Variants in CNTNAP3 observed in about 807,000 individuals in gnomAD.
CNTNAP3 encodes the protein contactin associated protein family member 3, also known as contactin-associated protein-like 3.
CNTNAP3 carries 36 observed loss-of-function variants against 92.1 expected under a neutral mutation model. The ratio of observed to expected loss-of-function variants is 0.39; its 90% CI spans 0.30 to 0.52. The LOEUF is 0.52. Among genes scored for constraint, CNTNAP3 ranks in the 20% least tolerant of loss-of-function variants. The pLI is 0.76. For missense variants in CNTNAP3, 534 were observed against 1,069.6 expected (o/e 0.50, Z 6.98); for synonymous variants, 232 against 422.3 (o/e 0.55, Z 5.53).
chr9:39,133,182 C>T, intron 12 of CNTNAP3, 47 bp from the exon 13 acceptor site: 2 of 1,540,760 alleles, frequency 1.3e-6, no homozygotes, highest in Non-Finnish European at 1.7e-6. Context: ...CGGCAGAGGC[C>T]AGCAGCAAGA....
rs201621606 is a variant in CNTNAP3 at position 39,084,194 on chromosome 9, G to GTTTTT, written c.3442+1537_3442+1541dup. On this transcript the variant is annotated intron_variant, in intron 21 of 23. Coordinates refer to ENST00000297668, the MANE Select transcript of CNTNAP3 (RefSeq NM_033655.5). ...ACTGTTCATAGCAGATGCTCACCAAGTTTTTTTTTTTTTTTTTTTTTTGAG... is the reference window on the plus strand; with the variant it reads ...ACTGTTCATAGCAGATGCTCACCAAGTTTTTTTTTTTTTTTTTTTTTTTTTTTGAG... 2.3e-3 allele frequency among the ~76,000 whole-genome samples: 263 copies of GTTTTT among 116,874 alleles called. 7 individuals are homozygous for GTTTTT. Among genetic ancestry groups the GTTTTT allele is most frequent in the Middle Eastern group, 4.5e-3 (1 of 222 alleles). 76.7% of individuals were successfully genotyped at this position (116,874 alleles called of 152,430 possible).
chr9:39,170,263 G>A (rs1276143182), intron 8 of CNTNAP3, among the ~76,000 whole-genome samples: 2 of 11,994 alleles, frequency 1.7e-4, no homozygotes, highest in Non-Finnish European at 2.2e-4. Flanking sequence ...TTCTTCACGG[G>A]TCTTGAAATC....
intron 9 of CNTNAP3, among the ~76,000 whole-genome samples, chr9:39,153,918 T>G (rs1279357730): frequency 6.8e-6 from 1 of 147,294 alleles, no homozygotes; most frequent in Admixed American, 6.7e-5. Flanking sequence ...CCAGTGATTG[T>G]TCCAAGTCTC....
chr9:39,146,008 G>A (rs1821689088), intron 10 of CNTNAP3, among the ~76,000 whole-genome samples: 1 of 150,666 alleles, frequency 6.6e-6, no homozygotes, highest in Non-Finnish European at 1.5e-5. Flanking sequence ...AACCACTGCT[G>A]TTTGATATCA....
chr9:39,225,856 A>G (rs1822693152), intron 3 of CNTNAP3, among the ~76,000 whole-genome samples: 1 of 16,078 alleles, frequency 6.2e-5, no homozygotes, highest in African/African-American at 8.5e-5. Flanking sequence ...AACTTGCTCT[A>G]TTAGCCAGGC....
intron 15 of CNTNAP3, among the ~76,000 whole-genome samples, chr9:39,108,537 T>A (rs1302560060): frequency 6.6e-6 from 1 of 152,170 alleles, no homozygotes; most frequent in East Asian, 1.9e-4. Flanking sequence ...CAATGTATGA[T>A]GCTAGTGGGT....
chr9:39,106,889 A>C (rs1009224399), intron 15 of CNTNAP3, among the ~76,000 whole-genome samples: 11 of 152,284 alleles, frequency 7.2e-5, no homozygotes, highest in Non-Finnish European at 1.3e-4. Context: ...TGCCTGGCAC[A>C]GGACATTTAA....
chr9:39,100,988 T>C lies in CNTNAP3; in HGVS notation c.2756-838A>G, dbSNP rs1383663214. 9.3e-5 allele frequency among the ~76,000 whole-genome samples: 14 copies of C among 151,080 alleles called. No homozygotes were observed. In the East Asian group the frequency reaches 2.7e-3, roughly 29 times the overall value. On this transcript the variant is annotated intron_variant, in intron 17 of 23. Transcript: ENST00000297668. ...AACTATCAATCAGCTTTGTGGGTGA[T>C]TCTGAAGCCAGTGATTCATCCACCG... is the stretch of plus-strand genomic sequence containing the variant.
At chr9:39,086,193 A>G in intron 20 of CNTNAP3, 2 of 324,620 alleles carry the variant, frequency 6.2e-6, no homozygotes, top group Non-Finnish European at 1.1e-5. Flanking sequence ...GTTGTTCTCT[A>G]TACAGTATAT....
chr9:39,076,844 T>G (rs1400259019), intron 23 of CNTNAP3, among the ~76,000 whole-genome samples: 1 of 152,298 alleles, frequency 6.6e-6, no homozygotes, highest in Non-Finnish European at 1.5e-5. Context: ...GGTGGGCACC[T>G]GTATCCCCAG....
intron 12 of CNTNAP3, among the ~76,000 whole-genome samples, chr9:39,133,379 A>G (rs922784576): frequency 2.0e-5 from 3 of 152,168 alleles, no homozygotes; most frequent in African/African-American, 7.2e-5. Flanking sequence ...AAAGTGTATC[A>G]TGTAAGCAAT....
intron 11 of CNTNAP3, among the ~76,000 whole-genome samples, chr9:39,141,326 C>T (rs1284418036): frequency 1.3e-5 from 2 of 152,008 alleles, no homozygotes; most frequent in Non-Finnish European, 1.5e-5. Flanking sequence ...TTAAGCTATG[C>T]GGCAGTTATA....
At chr9:39,074,243 G>A (rs1213282395) in intron 23 of CNTNAP3, among the ~76,000 whole-genome samples, 2 of 151,512 alleles carry the variant, frequency 1.3e-5, no homozygotes, top group Non-Finnish European at 2.9e-5. Flanking sequence ...TGCCCAGGCT[G>A]GTCTCGAACT....
intron 11 of CNTNAP3, among the ~76,000 whole-genome samples, chr9:39,142,193 G>A (rs889189749): frequency 1.3e-5 from 2 of 152,182 alleles, no homozygotes; most frequent in Admixed American, 6.5e-5. Context: ...ATCAGATGAT[G>A]CTGAGTGTGG....
chr9:39,117,056 G>A (rs944038478), intron 14 of CNTNAP3, among the ~76,000 whole-genome samples: 35 of 151,976 alleles, frequency 2.3e-4, no homozygotes, highest in Admixed American at 3.9e-4. Flanking sequence ...GCAGTGGCGC[G>A]ATCTCGGCTC....
chr9:39,135,023 T>C (rs1348656455), intron 12 of CNTNAP3, among the ~76,000 whole-genome samples: 1 of 152,118 alleles, frequency 6.6e-6, no homozygotes, highest in African/African-American at 2.4e-5. Context: ...AAGGGAACTG[T>C]TCAGAATACA....
chr9:39,205,007 G>A (rs1418565342), intron 3 of CNTNAP3, among the ~76,000 whole-genome samples: 1 of 81,308 alleles, frequency 1.2e-5, no homozygotes, highest in Non-Finnish European at 2.1e-5. Flanking sequence ...CATCATCATA[G>A]CTTATGTTTT....
rs760030789 is a variant in CNTNAP3 at position 39,133,054 on chromosome 9, G to A, written c.1958C>T (p.Ser653Leu). The A allele has an allele frequency of 4.5e-6, 7 of 1,555,072 alleles. No individual in the cohort carries two copies. Among genetic ancestry groups the A allele is most frequent in the Non-Finnish European group, 6.0e-6 (7 of 1,157,210 alleles). ...LRGAPSGHPR[S>L]AVSFAYAAGA... Reference sequence around the variant, plus strand: ...CGCTGCGTACGCGAAGGACACAGCCGAGCGCGGGTGCCCGCTGGGGGCACC... The same window carrying A: ...CGCTGCGTACGCGAAGGACACAGCCAAGCGCGGGTGCCCGCTGGGGGCACC... The change falls in exon 13 of 24, where the codon TCG (serine) becomes TTG (leucine). Residue 653 changes from serine (S) to leucine (L), a missense_variant. Ser to Leu is a moderately radical substitution (Grantham distance 145). Transcript: ENST00000297668.
At chr9:39,137,327 T>G (rs1292299871) in intron 12 of CNTNAP3, among the ~76,000 whole-genome samples, 1 of 151,962 alleles carries the variant, frequency 6.6e-6, no homozygotes, top group Non-Finnish European at 1.5e-5. Context: ...TGTTATGCTG[T>G]TTTTGATCTC....
Sources: gnomAD v4.1 joint callset for allele counts (sites outside exome capture counted in the v4.1 genomes callset) on GRCh38, gnomAD v4.1.1 for gene constraint, MANE v1.5 for transcripts, NCBI Gene and HGNC (gene_info 2026-07-23, HGNC 2026-07-21) for gene names.